The following NELL1 variants were observed in gnomAD, a reference collection of about 807,000 sequenced individuals.
NELL1 encodes the protein neural EGFL like 1, also known as protein kinase C-binding protein NELL1.
NELL1 carries 76 observed loss-of-function variants against 107.4 expected under a neutral mutation model. The observed-to-expected ratio is 0.71, with a 90% CI of 0.59 to 0.86. NELL1 has a LOEUF of 0.86. NELL1 is among the 40% of genes least tolerant of loss of function. NELL1 has a pLI of 0.00. For missense variants in NELL1, 1,024 were observed against 1,005.5 expected, an observed-to-expected ratio of 1.02 and a Z score of -0.25; for synonymous variants, 353 against 341.2, an observed-to-expected ratio of 1.03 and a Z score of -0.38.
chr11:21,098,279 C>A (rs1330817422), intron 12 of NELL1, among the ~76,000 whole-genome samples: 2 of 152,192 alleles, frequency 1.3e-5, no homozygotes, highest in Non-Finnish European at 2.9e-5. Flanking sequence ...TGTGTCACGA[C>A]CTTTTCTAGA....
chr11:21,504,286 G>C (rs1855226494), intron 15 of NELL1: 1 of 152,138 alleles, frequency 6.6e-6, no homozygotes. Flanking sequence ...TTTGTCAAGG[G>C]CTTTGTAGTT....
intron 3 of NELL1, among the ~76,000 whole-genome samples, chr11:20,806,272 GTGTGTGTGTGTGTTTGTGTT>G (rs1857382638): frequency 6.6e-6 from 1 of 151,640 alleles, no homozygotes; most frequent in Non-Finnish European, 1.5e-5. Flanking sequence ...GTGTGTGTGT[GTGTGTGTGTGTGTTTGTGTT>G]TGTGTTTGCC....
chr11:20,905,079 A>G (rs1849965304), intron 5 of NELL1, among the ~76,000 whole-genome samples: 2 of 151,656 alleles, frequency 1.3e-5, no homozygotes, highest in African/African-American at 4.8e-5. Context: ...GCCTCCAGCA[A>G]TCCTCTTTCC....
chr11:20,705,563 T>C lies in NELL1; in HGVS notation c.184+27503T>C, dbSNP rs1854924760. Among the ~76,000 whole-genome samples, 3 of 142,802 alleles carry C rather than the reference T, an allele frequency of 2.1e-5. 1 individual carries two copies. In the South Asian group the frequency reaches 6.6e-4, roughly 31 times the overall value. 93.7% of individuals were successfully genotyped at this position (142,802 alleles called of 152,430 possible). On this transcript the variant is annotated intron_variant, in intron 2 of 19. Coordinates refer to ENST00000357134, the MANE Select transcript of NELL1 (RefSeq NM_006157.5). ...GTTAGACCTAAAACCATAAAAACCC[T>C]AGAAGAAAACCTAGGCAATACCATT...
rs181736195 is a variant in NELL1 at position 20,794,663 on chromosome 11, A to G, written c.335+10833A>G. 2.0e-4 allele frequency among the ~76,000 whole-genome samples: 30 copies of G among 152,262 alleles called. No homozygotes were observed. The East Asian group carries it at 5.6e-3, about 28-fold the overall frequency. ...GCATACAAAAGAAACTCAATAAAAA[A>G]GCCATAATGATGATGATGCTGATGA... On this transcript the variant is annotated intron_variant, in intron 3 of 19. Coordinates refer to ENST00000357134, the MANE Select transcript of NELL1 (RefSeq NM_006157.5).
chr11:21,049,071 ATG>A (rs1295799974), intron 12 of NELL1, among the ~76,000 whole-genome samples: 2 of 152,192 alleles, frequency 1.3e-5, no homozygotes, highest in East Asian at 3.9e-4. Flanking sequence ...GGAAGCTCTG[ATG>A]CTGGTATGGC....
chr11:21,044,399 A>C (rs1160670608), intron 12 of NELL1, among the ~76,000 whole-genome samples: 2 of 152,138 alleles, frequency 1.3e-5, no homozygotes, highest in Non-Finnish European at 2.9e-5. Flanking sequence ...TAAAAGTAAG[A>C]ATGTGGAGAA....
intron 15 of NELL1, among the ~76,000 whole-genome samples, chr11:21,489,404 A>AAC (rs1554922051): frequency 1.5e-5 from 2 of 137,270 alleles, no homozygotes; most frequent in African/African-American, 6.0e-5. Flanking sequence ...AAAAAAAAAA[A>AAC]AAAACAGAAG....
intron 13 of NELL1, among the ~76,000 whole-genome samples, chr11:21,175,967 C>T (rs933525777): frequency 6.6e-6 from 1 of 151,660 alleles, no homozygotes; most frequent in Non-Finnish European, 1.5e-5. Flanking sequence ...CAATCTTTAC[C>T]TTGTCTGCCA....
intron 17 of NELL1, among the ~76,000 whole-genome samples, chr11:21,568,308 C>A (rs1334419333): frequency 6.6e-6 from 1 of 151,720 alleles, no homozygotes; most frequent in Admixed American, 6.6e-5. Context: ...GAACACTTAC[C>A]ATGAATGGAG....
At chr11:20,747,285 G>C (rs1333893764) in intron 2 of NELL1, among the ~76,000 whole-genome samples, 1 of 152,212 alleles carries the variant, frequency 6.6e-6, no homozygotes, top group Non-Finnish European at 1.5e-5. Flanking sequence ...AACAGAATGT[G>C]CTGAATCTTT....
intron 14 of NELL1, among the ~76,000 whole-genome samples, chr11:21,292,807 A>G (rs189789936): frequency 6.6e-6 from 1 of 152,328 alleles, no homozygotes; most frequent in Admixed American, 6.5e-5. Context: ...CTGATTTTTG[A>G]CAAACCTGAC....
intron 13 of NELL1, among the ~76,000 whole-genome samples, chr11:21,143,995 C>T (rs1855921304): frequency 6.6e-6 from 1 of 152,124 alleles, no homozygotes; most frequent in African/African-American, 2.4e-5. Context: ...AAATGAGGAA[C>T]AGAACCAGAA....
intron 15 of NELL1, among the ~76,000 whole-genome samples, chr11:21,389,840 G>A (rs1450002916): frequency 2.0e-5 from 3 of 151,760 alleles, no homozygotes; most frequent in African/African-American, 7.2e-5. Context: ...CATATGGGTT[G>A]TTTCCAGTTT....
At chr11:21,159,088 T>C (rs753669492) in intron 13 of NELL1, among the ~76,000 whole-genome samples, 1 of 152,168 alleles carries the variant, frequency 6.6e-6, no homozygotes, top group Non-Finnish European at 1.5e-5. Context: ...CTTAGCTCTG[T>C]TGGGTCCTTG....
At chr11:20,909,971 C>G (rs905524372) in intron 5 of NELL1, among the ~76,000 whole-genome samples, 1 of 152,172 alleles carries the variant, frequency 6.6e-6, no homozygotes, top group African/African-American at 2.4e-5. Flanking sequence ...ACCCCCAAAA[C>G]TCAGGGGCTT....
chr11:20,753,364 A>C (rs1856187141), intron 2 of NELL1, among the ~76,000 whole-genome samples: 1 of 152,248 alleles, frequency 6.6e-6, no homozygotes, highest in Admixed American at 6.5e-5. Context: ...GAAATTAAAC[A>C]GATGGTAACA....
intron 12 of NELL1, among the ~76,000 whole-genome samples, chr11:21,003,088 T>C (rs1341725122): frequency 6.6e-6 from 1 of 152,196 alleles, no homozygotes; most frequent in African/African-American, 2.4e-5. Flanking sequence ...TGAATAAGCA[T>C]TTTCTATTGA....
chr11:21,214,923 AAATT>A (rs1373797222), intron 13 of NELL1, among the ~76,000 whole-genome samples: 1 of 152,204 alleles, frequency 6.6e-6, no homozygotes, highest in Non-Finnish European at 1.5e-5. Context: ...AAATGAATAT[AAATT>A]AAAATGGTAT....
Sources: gnomAD v4.1 joint callset for allele counts (sites outside exome capture counted in the v4.1 genomes callset) on GRCh38, gnomAD v4.1.1 for gene constraint, MANE v1.5 for transcripts, NCBI Gene and HGNC (gene_info 2026-07-23, HGNC 2026-07-21) for gene names.